The following TIMMDC1 variants were observed in gnomAD, a reference collection of about 807,000 sequenced individuals.
TIMMDC1 encodes the protein translocase of inner mitochondrial membrane domain containing 1.
TIMMDC1 carries 25 observed loss-of-function variants against 32.6 expected under a neutral mutation model. The ratio of observed to expected loss-of-function variants is 0.77; its 90% CI spans 0.56 to 1.07. The LOEUF is 1.07. Ranked by LOEUF, TIMMDC1 falls within the 50% of genes least tolerant of loss-of-function variation. The pLI is 0.00. For missense variants in TIMMDC1, 329 were observed against 349.2 expected (o/e 0.94, Z 0.46); for synonymous variants, 130 against 127.6 (o/e 1.02, Z -0.13).
At chr3:119,511,065 G>A (rs182278140) in intron 4 of TIMMDC1, among the ~76,000 whole-genome samples, 28 of 152,214 alleles carry the variant, frequency 1.8e-4, no homozygotes, top group Admixed American at 9.2e-4. Flanking sequence ...TATATTTTAT[G>A]CACTTAAAGA....
chr3:119,522,285 T>C (rs1246061838), intron 6 of TIMMDC1, among the ~76,000 whole-genome samples: 2 of 152,196 alleles, frequency 1.3e-5, no homozygotes, highest in Non-Finnish European at 2.9e-5. Flanking sequence ...GACATTGTTA[T>C]GTAAAATAAG....
rs757943094 is a variant in TIMMDC1, at chr3:119,498,940, A to G, written c.194+13A>G. The stretch of plus-strand genomic sequence containing the variant: ...TGTTTGGCAAAGAGTAAAAGTGCCT[A>G]GGGTGTGAAGTGGGGTAGGGGGCCG... On this transcript the variant is annotated intron_variant, in intron 1 of 6. Transcript: ENST00000494664. 1 of 1,613,376 alleles carries G rather than the reference A, an allele frequency of 6.2e-7. No individual in the cohort carries two copies.
chr3:119,500,815 T>G lies in TIMMDC1; in HGVS notation c.315T>G (p.Ile105Met). Reference protein sequence around the residue: ...PAFIHAKQQYIEQSQAEIYHN... With the variant: ...PAFIHAKQQYMEQSQAEIYHN... ...TTATTCATGCTAAACAACAATACAT[T>G]GAGCAGAGCCAGGCAGAAATTTATC... The change falls in exon 2 of 7, where the codon ATT becomes ATG. Residue 105 changes from isoleucine (I) to methionine (M), a missense_variant. Transcript: ENST00000494664. 1 of 1,614,084 alleles carries G rather than the reference T, an allele frequency of 6.2e-7. No homozygotes were observed. Among genetic ancestry groups the G allele is most frequent in the Non-Finnish European group, 8.5e-7 (1 of 1,179,992 alleles).
At chr3:119,500,175 T>C (rs180832398) in intron 1 of TIMMDC1, among the ~76,000 whole-genome samples, 26 of 152,342 alleles carry the variant, frequency 1.7e-4, no homozygotes, top group African/African-American at 5.3e-4. Context: ...CTTTCATACA[T>C]TGCCCTAAAA....
chr3:119,510,100 G>A (rs1312286642), intron 4 of TIMMDC1, among the ~76,000 whole-genome samples: 1 of 152,118 alleles, frequency 6.6e-6, no homozygotes, highest in Non-Finnish European at 1.5e-5. Flanking sequence ...GAAAAAGGCA[G>A]TGCTTTTAGA....
chr3:119,505,742 C>T (rs2081914815), intron 4 of TIMMDC1, among the ~76,000 whole-genome samples: 2 of 152,170 alleles, frequency 1.3e-5, no homozygotes, highest in Admixed American at 1.3e-4. Flanking sequence ...ATACAAAGGG[C>T]AGTCTCTATC....
chr3:119,518,827 A>G (rs935103861), intron 6 of TIMMDC1, among the ~76,000 whole-genome samples: 63 of 152,150 alleles, frequency 4.1e-4, no homozygotes, highest in African/African-American at 1.4e-3. Context: ...GCCAGCAGAA[A>G]CCTTACAAGT....
At chr3:119,505,645 G>A (rs918503721) in intron 4 of TIMMDC1, among the ~76,000 whole-genome samples, 4 of 152,156 alleles carry the variant, frequency 2.6e-5, no homozygotes, top group Admixed American at 6.5e-5. Flanking sequence ...GGGATTACAG[G>A]CGTAAGCTAC....
Position 119,498,606 on chromosome 3 carries a change from T to C in TIMMDC1, c.-128T>C. On this transcript the variant is annotated 5_prime_UTR_variant, in exon 1 of 7. Coordinates refer to ENST00000494664, the MANE Select transcript of TIMMDC1 (RefSeq NM_016589.4). ...GACTGAAGGTGTGGGTGTCGAGCCC[T>C]CTGGCAGAGGGTTAACCTGGGTCAA... The C allele has an allele frequency of 2.2e-6, 2 of 902,862 alleles. No homozygotes were observed. Among genetic ancestry groups the C allele is most frequent in the Admixed American group, 2.2e-5 (1 of 44,536 alleles). 55.9% of individuals were successfully genotyped at this position (902,862 alleles called of 1,614,324 possible). A position where few individuals can be genotyped will look rare whatever the true frequency, so the allele number is the denominator to read the frequency against.
chr3:119,506,942 A>G (rs1378758549), intron 4 of TIMMDC1, among the ~76,000 whole-genome samples: 2 of 152,148 alleles, frequency 1.3e-5, no homozygotes, highest in Non-Finnish European at 2.9e-5. Flanking sequence ...CTTACCTTTC[A>G]AAGTCCAGAT....
chr3:119,517,158 G>T, intron 5 of TIMMDC1, 47 bp from the exon 6 acceptor site: 1 of 1,219,942 alleles, frequency 8.2e-7, no homozygotes, highest in Non-Finnish European at 1.2e-6. Flanking sequence ...ATGTTGCAAG[G>T]TCTAATGACT....
At chr3:119,502,814 C>A (rs1348767167) in intron 2 of TIMMDC1, among the ~76,000 whole-genome samples, 1 of 152,088 alleles carries the variant, frequency 6.6e-6, no homozygotes, top group Non-Finnish European at 1.5e-5. Flanking sequence ...TCCCTAGTTG[C>A]CTCCCAAAGT....
Position 119,517,276 on chromosome 3 carries a change from A to G in TIMMDC1, c.668A>G (p.Lys223Arg). Residue 223 changes from lysine to arginine, a missense_variant, in exon 6 of 7, where the codon AAG (lysine) becomes AGG (arginine). Lys to Arg is a conservative substitution (Grantham distance 26). Coordinates refer to ENST00000494664, the MANE Select transcript of TIMMDC1 (RefSeq NM_016589.4). ...SGETVQERKQ[K>R]DRKALHELKL... ...GAGACTGTTCAGGAAAGAAAACAGA[A>G]GGATCGAAAGGCACTCCATGAGCTA... The G allele has an allele frequency of 1.2e-6, 2 of 1,613,740 alleles. No homozygotes were observed. The highest frequency in any genetic ancestry group is 8.5e-7 in the Non-Finnish European group (1 of 1,179,698).
intron 4 of TIMMDC1, among the ~76,000 whole-genome samples, chr3:119,505,696 G>T (rs1222629189): frequency 1.3e-5 from 2 of 152,016 alleles, no homozygotes; most frequent in South Asian, 2.1e-4. Context: ...ATGTTTTTTT[G>T]GGAATAAGCT....
chr3:119,510,184 A>G (rs2081944336), intron 4 of TIMMDC1, among the ~76,000 whole-genome samples: 1 of 152,204 alleles, frequency 6.6e-6, no homozygotes, highest in Non-Finnish European at 1.5e-5. Flanking sequence ...TGCTATCAGT[A>G]AAGTGTAAAT....
intron 4 of TIMMDC1, among the ~76,000 whole-genome samples, chr3:119,511,687 A>G (rs1283488212): frequency 2.0e-5 from 3 of 152,216 alleles, no homozygotes; most frequent in African/African-American, 7.2e-5. Flanking sequence ...AAATAATAGT[A>G]TGTGCAGGTA....
chr3:119,521,111 A>C (rs568907078), intron 6 of TIMMDC1, among the ~76,000 whole-genome samples: 1 of 152,338 alleles, frequency 6.6e-6, no homozygotes, highest in East Asian at 1.9e-4. Flanking sequence ...ATATATGTCA[A>C]ACTCACAGCT....
chr3:119,514,444 A>G (rs1169431100), intron 5 of TIMMDC1, among the ~76,000 whole-genome samples: 1 of 152,210 alleles, frequency 6.6e-6, no homozygotes, highest in Non-Finnish European at 1.5e-5. Flanking sequence ...AAATCATAAT[A>G]CAATTATCAC....
At chr3:119,500,666 C>G (rs756748211) in intron 1 of TIMMDC1, 29 bp from the exon 2 acceptor site, 16 of 1,597,836 alleles carry the variant, frequency 1.0e-5, no homozygotes, top group Admixed American at 1.7e-5. Context: ...AAACTAATCC[C>G]AAACAACATT....
Sources: allele counts gnomAD v4.1 joint callset (sites outside exome capture counted in the v4.1 genomes callset), GRCh38; gene constraint gnomAD v4.1.1; transcripts MANE v1.5; gene names NCBI Gene and HGNC (gene_info 2026-07-23, HGNC 2026-07-21).